MEF2A: variants seen among roughly 807,000 people sequenced by gnomAD.
MEF2A encodes myocyte-specific enhancer factor 2A.
MEF2A carries 28 observed loss-of-function variants against 55.8 expected under a neutral mutation model. That is an observed-to-expected ratio of 0.50 (90% CI 0.37 to 0.69). MEF2A has a LOEUF of 0.69. Among genes scored for constraint, MEF2A ranks in the 30% least tolerant of loss-of-function variants. MEF2A has a pLI of 0.00. For missense variants in MEF2A, 528 were observed against 626.2 expected, an observed-to-expected ratio of 0.84 and a Z score of 1.67; for synonymous variants, 239 against 227.1, an observed-to-expected ratio of 1.05 and a Z score of -0.47.
intron 8 of MEF2A, among the ~76,000 whole-genome samples, chr15:99,691,664 C>T (rs2055487524): frequency 6.6e-6 from 1 of 152,100 alleles, no homozygotes; most frequent in East Asian, 1.9e-4. Flanking sequence ...CACCACTGCA[C>T]TCCAGCCTGG....
chr15:99,624,900 A>G (rs987027287), intron 2 of MEF2A, among the ~76,000 whole-genome samples: 1 of 152,120 alleles, frequency 6.6e-6, no homozygotes. Flanking sequence ...TTCATTTTCT[A>G]AGTTCAGACG....
At position 99,656,780 on chromosome 15, in the gene MEF2A, C is replaced by T. The variant is rs575991440; in HGVS notation, c.258+11016C>T. 1.6e-4 allele frequency among the ~76,000 whole-genome samples: 24 copies of T among 152,208 alleles called. No homozygotes were observed. In the South Asian group the frequency reaches 2.7e-3, roughly 17 times the overall value. The stretch of plus-strand genomic sequence containing the variant: ...ATGTGGTAGGCATACCTGAGATTAA[C>T]TTTTTTGCTCTTCTTTTAAATGAGA... On this transcript the variant is annotated intron_variant, in intron 4 of 11. Transcript: ENST00000557942.
chr15:99,706,912 G>C (rs753588549), intron 10 of MEF2A, 57 bp downstream of exon 10: 1 of 1,538,530 alleles, frequency 6.5e-7, no homozygotes, highest in Non-Finnish European at 8.8e-7. Flanking sequence ...TGTGATCAAC[G>C]TGTGCTTCTG....
At chr15:99,690,898 G>T (rs2055294646) in intron 8 of MEF2A, among the ~76,000 whole-genome samples, 1 of 152,166 alleles carries the variant, frequency 6.6e-6, no homozygotes, top group African/African-American at 2.4e-5. Flanking sequence ...GGAGAGAAGG[G>T]TGACTATAGT....
chr15:99,663,641 T>G (rs1213769429), intron 4 of MEF2A, among the ~76,000 whole-genome samples: 2 of 152,120 alleles, frequency 1.3e-5, no homozygotes, highest in African/African-American at 4.8e-5. Flanking sequence ...AATTTCTTGC[T>G]GAGTATTTAA....
Position 99,590,536 on chromosome 15 carries a change from GT to G in MEF2A, c.-224-7890del, listed in dbSNP as rs200977351. ...TTAAGTGTACCATCTTGCCATCTTT[GT>G]TTTCTACTTGTCCTATTTTGTGTTT... On this transcript the variant is annotated intron_variant, in intron 1 of 11. Coordinates refer to ENST00000557942, the MANE Select transcript of MEF2A (RefSeq NM_001319206.4). 7.8e-3 allele frequency among the ~76,000 whole-genome samples: 1,167 copies of G among 149,140 alleles called. 11 individuals carry two copies. Among genetic ancestry groups the G allele is most frequent in the Non-Finnish European group, 0.012 (780 of 66,918 alleles).
intron 3 of MEF2A, among the ~76,000 whole-genome samples, chr15:99,641,082 C>T (rs77598397): frequency 0.011 from 1,616 of 152,112 alleles, 19 homozygotes; most frequent in Non-Finnish European, 0.017. Context: ...GGGTCCCAGC[C>T]GTCGAAAAAG....
intron 2 of MEF2A, among the ~76,000 whole-genome samples, chr15:99,613,204 TA>T (rs1333506403): frequency 2.0e-5 from 3 of 152,190 alleles, no homozygotes; most frequent in Non-Finnish European, 4.4e-5. Flanking sequence ...CTTGCTTGGA[TA>T]TTAGTCTCAA....
chr15:99,597,916 T>TA (rs1178700152), intron 1 of MEF2A, among the ~76,000 whole-genome samples: 1 of 152,228 alleles, frequency 6.6e-6, no homozygotes, highest in Non-Finnish European at 1.5e-5. Context: ...TTGTTCCCTT[T>TA]AAAATATAGC....
At chr15:99,690,055 G>C (rs199723578) in intron 7 of MEF2A, among the ~76,000 whole-genome samples, 186 bp from the exon 8 acceptor site, 2 of 152,174 alleles carry the variant, frequency 1.3e-5, no homozygotes, top group East Asian at 3.8e-4. Flanking sequence ...CAGCCAATAA[G>C]TATACAAGTA....
At chr15:99,671,768 A>G in intron 5 of MEF2A, 2 of 1,160,036 alleles carry the variant, frequency 1.7e-6, no homozygotes, top group Non-Finnish European at 2.3e-6. Flanking sequence ...AGAAGGGAAG[A>G]AATGCATTTT....
At chr15:99,698,144 CA>C (rs1405733228) in intron 8 of MEF2A, among the ~76,000 whole-genome samples, 3 of 152,092 alleles carry the variant, frequency 2.0e-5, no homozygotes, top group African/African-American at 7.2e-5. Flanking sequence ...GAAAATCCAA[CA>C]CAAAAAGCAG....
chr15:99,706,835 T>C lies in MEF2A; in HGVS notation c.989T>C (p.Met330Thr). ...CCGCAAGGACTTGTGTACTCAGCAA[T>C]GCCGACTGCCTACAACACTGGTGAG... is the stretch of plus-strand genomic sequence containing the variant. The part of the protein sequence containing the change: ...LPPQGLVYSA[M>T]PTAYNTDYSL... Residue 330 changes from methionine (M) to threonine (T), a missense_variant, in exon 10 of 12, where the codon ATG becomes ACG. By Grantham distance (81) the Met-to-Thr change is moderately conservative. Transcript: ENST00000557942. The C allele has an allele frequency of 6.2e-7, 1 of 1,613,930 alleles. No individual in the cohort carries two copies. The highest frequency in any genetic ancestry group is 8.5e-7 in the Non-Finnish European group (1 of 1,179,810).
At chr15:99,642,230 C>G (rs2045142029) in intron 3 of MEF2A, among the ~76,000 whole-genome samples, 1 of 152,058 alleles carries the variant, frequency 6.6e-6, no homozygotes, top group Non-Finnish European at 1.5e-5. Flanking sequence ...AGTTTTTTCC[C>G]TTCTTAAAAG....
chr15:99,713,285 T>C lies in MEF2A; in HGVS notation c.*514T>C, dbSNP rs140014502. 4 of 343,182 alleles carry C rather than the reference T, an allele frequency of 1.2e-5. No homozygotes were observed. The highest frequency in any genetic ancestry group is 8.4e-5 in the African/African-American group (4 of 47,736). The allele number at this position is 343,182 out of a possible 1,614,324, so 21.3% of individuals were successfully genotyped here. ...TATATTTTCCAACCTGGCATGGGTG[T>C]CTGTTGCAAAGGGGTGCATGGGAAA... On this transcript the variant is annotated 3_prime_UTR_variant, in exon 12 of 12. Transcript: ENST00000557942.
chr15:99,593,368 A>T (rs988934216), intron 1 of MEF2A, among the ~76,000 whole-genome samples: 1 of 152,060 alleles, frequency 6.6e-6, no homozygotes, highest in Non-Finnish European at 1.5e-5. Flanking sequence ...TCATTGTCTG[A>T]TGTTTTAAAA....
chr15:99,566,044 A>C lies in MEF2A; in HGVS notation c.-285A>C, dbSNP rs952940256. On this transcript the variant is annotated 5_prime_UTR_variant, in exon 1 of 12. Coordinates refer to ENST00000557942, the MANE Select transcript of MEF2A (RefSeq NM_001319206.4). ...AAAGAGGCGGCTCCGGGCGGCGCGA[A>C]GCGCTGGTGGCGGGCCCGGGCTGCG... 1.3e-5 allele frequency: 2 copies of C among 152,350 alleles called. No homozygotes were observed. Among genetic ancestry groups the C allele is most frequent in the African/African-American group, 2.4e-5 (1 of 41,436 alleles). The allele number at this position is 152,350 out of a possible 1,614,324, so 9.4% of individuals were successfully genotyped here. A position where few individuals can be genotyped will look rare whatever the true frequency, so the allele number is the denominator to read the frequency against.
chr15:99,667,590 TAGTG>T (rs973113581), intron 4 of MEF2A, among the ~76,000 whole-genome samples: 8 of 152,082 alleles, frequency 5.3e-5, no homozygotes, highest in African/African-American at 1.7e-4. Context: ...AGTAATTAAT[TAGTG>T]AGGGAGCCTG....
intron 7 of MEF2A, chr15:99,682,008 A>G (rs2153681812): frequency 6.6e-6 from 1 of 152,344 alleles, no homozygotes; most frequent in Middle Eastern, 3.4e-3. Flanking sequence ...AATTTTGCCA[A>G]ATATGATTGA....
Sources: allele counts gnomAD v4.1 joint callset (sites outside exome capture counted in the v4.1 genomes callset), GRCh38; gene constraint gnomAD v4.1.1; transcripts MANE v1.5; gene names NCBI Gene and HGNC (gene_info 2026-07-23, HGNC 2026-07-21).